The following PSD2 variants were observed in gnomAD, a reference collection of about 807,000 sequenced individuals.
PSD2 encodes pleckstrin and Sec7 domain containing 2.
A neutral mutation model predicts 69.8 loss-of-function variants in PSD2; 38 were observed. That is an observed-to-expected ratio of 0.54 (90% confidence interval 0.42 to 0.71). The LOEUF is 0.71. Among genes scored for constraint, PSD2 ranks in the 30% least tolerant of loss-of-function variants. PSD2 has a pLI of 0.00. For missense variants in PSD2, 943 were observed against 1,014.5 expected, an observed-to-expected ratio of 0.93 and a Z score of 0.96; for synonymous variants, 412 against 423.0, an observed-to-expected ratio of 0.97 and a Z score of 0.32.
the PSD2 span, among the ~76,000 whole-genome samples, chr5:139,746,393 T>G: frequency 1.9e-3 from 288 of 152,328 alleles, 1 homozygote; most frequent in African/African-American, 6.5e-3. This position sits in a 1 kb window ranked among gnomAD's most constrained non-coding sequence, Gnocchi z 4.5. Context: ...GATTTTTTCC[T>G]CTGGCCTCGC....
At chr5:139,787,672 C>A in the PSD2 span, among the ~76,000 whole-genome samples, 18 of 152,244 alleles carry the variant, frequency 1.2e-4, no homozygotes, top group African/African-American at 4.3e-4. Flanking sequence ...CGCTGGCCTT[C>A]CCAGGGCCGG....
intron 12 of PSD2, among the ~76,000 whole-genome samples, chr5:139,838,037 G>A (rs1760779506): frequency 6.6e-6 from 1 of 152,212 alleles, no homozygotes; most frequent in Admixed American, 6.5e-5. Flanking sequence ...TGTTTAACAA[G>A]CCCTGCAGGG....
chr5:139,794,236 G>A (rs549151789), upstream of PSD2, among the ~76,000 whole-genome samples: 1 of 152,204 alleles, frequency 6.6e-6, no homozygotes, highest in African/African-American at 2.4e-5. Flanking sequence ...CTGGGATCAT[G>A]AGCAAGTGAC....
the PSD2 span, chr5:139,775,597 C>T: frequency 1.3e-5 from 2 of 152,426 alleles, no homozygotes; most frequent in South Asian, 2.1e-4. Context: ...CCAGCCTGTG[C>T]GCTACCCAGT....
chr5:139,754,990 A>C, the PSD2 span, among the ~76,000 whole-genome samples: 1 of 152,226 alleles, frequency 6.6e-6, no homozygotes, highest in Non-Finnish European at 1.5e-5. Context: ...GCTGCCCCCA[A>C]GGGAATCCAC....
intron 3 of PSD2, 106 bp downstream of exon 3, chr5:139,813,864 C>T: frequency 1.0e-6 from 1 of 964,668 alleles, no homozygotes; most frequent in South Asian, 1.7e-5. Flanking sequence ...TCAGCATGCC[C>T]TCTTCAAGGT....
At chr5:139,781,983 T>C in the PSD2 span, among the ~76,000 whole-genome samples, 22 of 152,238 alleles carry the variant, frequency 1.4e-4, no homozygotes, top group African/African-American at 4.6e-4. Flanking sequence ...TTTCATATCA[T>C]AATTGCCTGC....
rs1271574161 is a variant in PSD2, at chr5:139,809,571, G to A, written c.131G>A (p.Cys44Tyr). ...MASEGLNSSLCSPGHERRGTP... is the reference protein window; with the variant it reads ...MASEGLNSSLYSPGHERRGTP... Reference sequence around the variant, plus strand: ...AGTGAGGGCCTGAACAGCAGCCTCTGCAGCCCAGGGCACGAGCGAAGGGGC... The same window carrying A: ...AGTGAGGGCCTGAACAGCAGCCTCTACAGCCCAGGGCACGAGCGAAGGGGC... Residue 44 changes from cysteine (C) to tyrosine (Y), a missense_variant, in exon 2 of 15, where the codon TGC (cysteine) becomes TAC (tyrosine). This residue lies in a region of PSD2 where 466 missense variants were observed against 445.0 expected (regional missense o/e 1.05). Coordinates refer to ENST00000274710, the MANE Select transcript of PSD2 (RefSeq NM_032289.4). 1 of 1,614,116 alleles carries A rather than the reference G, an allele frequency of 6.2e-7. No individual in the cohort carries two copies. The highest frequency in any genetic ancestry group is 8.5e-7 in the Non-Finnish European group (1 of 1,179,948).
At chr5:139,823,777 A>G (rs80267629) in intron 7 of PSD2, among the ~76,000 whole-genome samples, 7 of 152,188 alleles carry the variant, frequency 4.6e-5, no homozygotes, top group African/African-American at 1.7e-4. Flanking sequence ...TAAAAAGAAC[A>G]ATAGTATTCC....
upstream of PSD2, among the ~76,000 whole-genome samples, chr5:139,792,423 G>C (rs539866114): frequency 6.6e-6 from 1 of 152,044 alleles, no homozygotes; most frequent in Admixed American, 6.5e-5. Context: ...AATGCAGCTG[G>C]CCCCCCCTCC....
At chr5:139,780,700 T>C in the PSD2 span, among the ~76,000 whole-genome samples, 1 of 152,210 alleles carries the variant, frequency 6.6e-6, no homozygotes, top group Non-Finnish European at 1.5e-5. Context: ...AGCCTCGGCC[T>C]CCCAAAGCGC....
intron 2 of PSD2, among the ~76,000 whole-genome samples, chr5:139,812,303 C>T (rs1759988499): frequency 1.3e-5 from 2 of 151,860 alleles, no homozygotes; most frequent in African/African-American, 4.8e-5. Flanking sequence ...GGGCAGTCCT[C>T]ACTGAGAAGG....
In PSD2 at chr5:139,837,033, G is replaced by A. The variant is rs1242558634; in HGVS notation, c.1594+32G>A. The A allele has an allele frequency of 6.2e-7, 1 of 1,604,266 alleles. No homozygotes were observed. Among genetic ancestry groups the A allele is most frequent in the Non-Finnish European group, 8.5e-7 (1 of 1,173,366 alleles). On this transcript the variant is annotated intron_variant, in intron 10 of 14. Transcript: ENST00000274710. The surrounding 1 kb of genome is among the most constrained non-coding windows in gnomAD (Gnocchi z 5.0). ...GTCAGGCTGGGAGAGGGGCATGGGA[G>A]GGAGGCTGGCACAGAGGGGGGCGCC...
intron 1 of PSD2, among the ~76,000 whole-genome samples, chr5:139,796,943 G>A (rs1759547496): frequency 2.0e-5 from 3 of 152,136 alleles, no homozygotes; most frequent in African/African-American, 7.2e-5. Context: ...AGGGCAGGTG[G>A]GCAGCCTGGG....
Position 139,839,250 on chromosome 5 carries a change from G to A in PSD2, c.1968+478G>A, listed in dbSNP as rs182819619. Among the ~76,000 whole-genome samples, 9 of 152,356 alleles carry A rather than the reference G, an allele frequency of 5.9e-5. No homozygotes were observed. In the East Asian group the frequency reaches 1.7e-3, roughly 29 times the overall value. ...GAGAGGACAGGAGAAATGGTGGCCCGGAGCTTGAGAGGTAGAGGGCAGCGG... is the reference window on the plus strand; with the variant it reads ...GAGAGGACAGGAGAAATGGTGGCCCAGAGCTTGAGAGGTAGAGGGCAGCGG... On this transcript the variant is annotated intron_variant, in intron 13 of 14. Transcript: ENST00000274710. This position sits in a 1 kb window ranked among gnomAD's most constrained non-coding sequence, Gnocchi z 5.1.
At chr5:139,822,034 C>T (rs1702160190) in intron 6 of PSD2, 29 bp downstream of exon 6, 1 of 1,440,452 alleles carries the variant, frequency 6.9e-7, no homozygotes, top group Middle Eastern at 2.1e-4. Context: ...TCTGCCTGAC[C>T]CTCCCCACCC....
chr5:139,767,085 C>T, the PSD2 span, among the ~76,000 whole-genome samples: 4 of 151,188 alleles, frequency 2.6e-5, no homozygotes, highest in Admixed American at 2.0e-4. Flanking sequence ...CTCTGCCTCC[C>T]AGGTTCACAC....
rs1258117285 is a variant in PSD2 at position 139,844,385 on chromosome 5, ATAT to A, written c.*1915_*1917del. The A allele has an allele frequency of 2.0e-5, 3 of 152,260 alleles. No homozygotes were observed. Among genetic ancestry groups the A allele is most frequent in the Non-Finnish European group, 2.9e-5 (2 of 68,046 alleles). The allele number at this position is 152,260 out of a possible 1,614,324, so 9.4% of individuals were successfully genotyped here. A position where few individuals can be genotyped will look rare whatever the true frequency, so the allele number is the denominator to read the frequency against. On this transcript the variant is annotated 3_prime_UTR_variant, in exon 15 of 15. Transcript: ENST00000274710. ...TATATACATGTACTACTGTACTAAA[ATAT>A]TATGTACATTATAAAACATACACAA...
chr5:139,809,598 C>A lies in PSD2; in HGVS notation c.158C>A (p.Thr53Asn), dbSNP rs1426144140. 1.9e-6 allele frequency: 3 copies of A among 1,614,254 alleles called. No homozygotes were observed. The highest frequency in any genetic ancestry group is 2.2e-5 in the East Asian group (1 of 44,884). ...LCSPGHERRG[T>N]PADTEEPTKD... is the part of the protein sequence containing the mutation. The stretch of plus-strand genomic sequence containing the variant: ...AGCCCAGGGCACGAGCGAAGGGGCA[C>A]CCCAGCGGACACTGAGGAACCCACG... Residue 53 changes from threonine (T) to asparagine (N), a missense_variant, in exon 2 of 15, where the codon ACC becomes AAC. Transcript: ENST00000274710.
Sources: gnomAD v4.1 joint callset for allele counts (sites outside exome capture counted in the v4.1 genomes callset) on GRCh38, gnomAD v4.1.1 for gene constraint, gnomAD v4.1.1 regional missense constraint, Gnocchi (gnomAD v3.1) non-coding constraint, MANE v1.5 for transcripts, NCBI Gene and HGNC (gene_info 2026-07-23, HGNC 2026-07-21) for gene names.